The following CHCHD3 variants were observed in gnomAD, a reference collection of about 807,000 sequenced individuals.
The protein encoded by CHCHD3 is MICOS complex subunit MIC19.
A neutral mutation model predicts 38.2 loss-of-function variants in CHCHD3; 20 were observed. That is an observed-to-expected ratio of 0.52 (90% CI 0.37 to 0.76). The LOEUF is 0.76. Among genes scored for constraint, CHCHD3 ranks in the 30% least tolerant of loss-of-function variants. The pLI is 0.00. For synonymous variants in CHCHD3, 82 were observed against 100.0 expected, an observed-to-expected ratio of 0.82 and a Z score of 1.07; for missense variants, 245 against 279.2, an observed-to-expected ratio of 0.88 and a Z score of 0.87.
At chr7:133,075,008 A>C (rs1034600000) in intron 1 of CHCHD3, among the ~76,000 whole-genome samples, 25 of 152,168 alleles carry the variant, frequency 1.6e-4, no homozygotes, top group African/African-American at 5.6e-4. Flanking sequence ...AAGGTGCATG[A>C]GGACCAGGCC....
chr7:132,956,662 A>G (rs1811177429), intron 4 of CHCHD3, among the ~76,000 whole-genome samples: 1 of 152,202 alleles, frequency 6.6e-6, no homozygotes, highest in Admixed American at 6.5e-5. Context: ...AAGTAAGAAC[A>G]CACAGAGGCT....
At chr7:132,911,014 G>A (rs911577621) in intron 4 of CHCHD3, among the ~76,000 whole-genome samples, 6 of 152,160 alleles carry the variant, frequency 3.9e-5, no homozygotes, top group Non-Finnish European at 5.9e-5. Flanking sequence ...GGCATAAAAG[G>A]AGCATAATTA....
Position 132,919,100 on chromosome 7 carries a change from C to CTTTTTTTTTTTTTTTTTT in CHCHD3, c.370-33373_370-33356dup, listed in dbSNP as rs5887600. Among the ~76,000 whole-genome samples, 5 of 69,502 alleles carry CTTTTTTTTTTTTTTTTTT rather than the reference C, an allele frequency of 7.2e-5. 1 individual carries two copies. Among genetic ancestry groups the CTTTTTTTTTTTTTTTTTT allele is most frequent in the Admixed American group, 4.8e-4 (2 of 4,158 alleles). The allele number at this position is 69,502 out of a possible 152,430, so 45.6% of individuals were successfully genotyped here. Reference sequence around the variant, plus strand: ...CTAATCCTATATAGTTGGGTTTATTCTTTTTTTTTTTTTTTTTTTTTTTTT... The same window carrying CTTTTTTTTTTTTTTTTTT: ...CTAATCCTATATAGTTGGGTTTATTCTTTTTTTTTTTTTTTTTTTTTTTTTTTTTTTTTTTTTTTTTTT... On this transcript the variant is annotated intron_variant, in intron 4 of 7. Transcript: ENST00000262570.
At chr7:132,910,836 T>A (rs1361086435) in intron 4 of CHCHD3, among the ~76,000 whole-genome samples, 1 of 152,090 alleles carries the variant, frequency 6.6e-6, no homozygotes, top group Non-Finnish European at 1.5e-5. Context: ...CGAGTCTGAG[T>A]AAGGCTACAC....
chr7:132,816,214 T>G (rs1195984106), intron 6 of CHCHD3, among the ~76,000 whole-genome samples: 1 of 152,164 alleles, frequency 6.6e-6, no homozygotes, highest in African/African-American at 2.4e-5. Flanking sequence ...GATCAGATAA[T>G]GCCCCTTTCT....
At chr7:132,801,600 A>G (rs1806795806) in intron 6 of CHCHD3, among the ~76,000 whole-genome samples, 1 of 152,222 alleles carries the variant, frequency 6.6e-6, no homozygotes, top group Middle Eastern at 3.2e-3. Context: ...AGGAATGCCA[A>G]CCTGGACATC....
chr7:132,788,402 T>C lies in CHCHD3; in HGVS notation c.661-2742A>G, dbSNP rs1312089608. ...TACATAGCTGTACCCCTCTCTACAA[T>C]TTTGGGCTTAGGGTTACAAGGATAA... On this transcript the variant is annotated intron_variant, in intron 7 of 7. Coordinates refer to ENST00000262570, the MANE Select transcript of CHCHD3 (RefSeq NM_017812.4). This position sits in a 1 kb window ranked among gnomAD's most constrained non-coding sequence, Gnocchi z 4.0. Among the ~76,000 whole-genome samples the C allele has an allele frequency of 6.6e-6, 1 of 152,218 alleles. No individual in the cohort carries two copies. Among genetic ancestry groups the C allele is most frequent in the Non-Finnish European group, 1.5e-5 (1 of 68,034 alleles).
chr7:132,950,195 AAACT>A (rs1421305047), intron 4 of CHCHD3, among the ~76,000 whole-genome samples: 7 of 152,186 alleles, frequency 4.6e-5, no homozygotes, highest in South Asian at 2.1e-4. Flanking sequence ...TCATAGTGAA[AAACT>A]AACTATTGGG....
chr7:132,865,299 A>G (rs1052139890), intron 5 of CHCHD3, among the ~76,000 whole-genome samples: 4 of 152,204 alleles, frequency 2.6e-5, no homozygotes, highest in African/African-American at 9.6e-5. Context: ...TCAGATAACA[A>G]AGGCTTTTCC....
intron 2 of CHCHD3, among the ~76,000 whole-genome samples, chr7:133,041,678 A>G (rs1813838367): frequency 6.6e-6 from 1 of 152,196 alleles, no homozygotes; most frequent in South Asian, 2.1e-4. Flanking sequence ...AAAATTCACT[A>G]AGCAGAATGA....
intron 4 of CHCHD3, among the ~76,000 whole-genome samples, chr7:132,951,608 A>G (rs77391842): frequency 7.4e-4 from 112 of 152,344 alleles, no homozygotes; most frequent in African/African-American, 2.6e-3. Context: ...TTGTGTAAGT[A>G]CATTATATGA....
rs1806313295 is a variant in CHCHD3 at position 132,786,226 on chromosome 7, A to ATGGC, written c.661-570_661-567dup. Among the ~76,000 whole-genome samples, 4 of 152,188 alleles carry ATGGC rather than the reference A, an allele frequency of 2.6e-5. 1 individual carries two copies. The highest frequency in any genetic ancestry group is 1.3e-4 in the Admixed American group (2 of 15,282). ...AGGGGCATTTGGAAATGTTGGGAGC[A>ATGGC]TGGCTGATGGATGCAGTGACCGGGG... On this transcript the variant is annotated intron_variant, in intron 7 of 7. Transcript: ENST00000262570.
At chr7:132,836,930 C>T (rs985523779) in intron 6 of CHCHD3, among the ~76,000 whole-genome samples, 2 of 152,202 alleles carry the variant, frequency 1.3e-5, no homozygotes, top group African/African-American at 2.4e-5. Flanking sequence ...AACTTCACAG[C>T]CCAGCAGCTA....
chr7:132,860,302 T>G (rs10954391), intron 5 of CHCHD3, among the ~76,000 whole-genome samples: 39,125 of 116,338 alleles, frequency 0.34, 5,566 homozygotes, highest in East Asian at 0.46. Flanking sequence ...GATAGATAGA[T>G]AGAGAGAGAG....
At chr7:132,887,658 A>G (rs1052619236) in intron 4 of CHCHD3, among the ~76,000 whole-genome samples, 6 of 151,764 alleles carry the variant, frequency 4.0e-5, no homozygotes, top group Non-Finnish European at 8.9e-5. Context: ...AATAAACTAG[A>G]AATCAACACA....
chr7:132,899,017 C>T (rs1048708572), intron 4 of CHCHD3, among the ~76,000 whole-genome samples: 2 of 152,208 alleles, frequency 1.3e-5, no homozygotes. Context: ...GCTGAGGGAG[C>T]GGGCTCTGGC....
chr7:132,954,532 T>C (rs548825311), intron 4 of CHCHD3, among the ~76,000 whole-genome samples: 84 of 152,026 alleles, frequency 5.5e-4, no homozygotes, highest in African/African-American at 1.9e-3. Context: ...GGAGCAGTGG[T>C]TGAGAGGTGA....
At chr7:133,067,470 T>C (rs1814702967) in intron 2 of CHCHD3, among the ~76,000 whole-genome samples, 1 of 152,212 alleles carries the variant, frequency 6.6e-6, no homozygotes, top group South Asian at 2.1e-4. Context: ...TTTGCTCCCT[T>C]AACATTTTCC....
chr7:132,957,767 A>G (rs1218674698), intron 4 of CHCHD3, among the ~76,000 whole-genome samples: 1 of 152,196 alleles, frequency 6.6e-6, no homozygotes, highest in African/African-American at 2.4e-5. Flanking sequence ...GACGTGAGCC[A>G]CTGTGCCCAG....
Sources: gnomAD v4.1 joint callset for allele counts (sites outside exome capture counted in the v4.1 genomes callset) on GRCh38, gnomAD v4.1.1 for gene constraint, Gnocchi (gnomAD v3.1) non-coding constraint, MANE v1.5 for transcripts, NCBI Gene and HGNC (gene_info 2026-07-23, HGNC 2026-07-21) for gene names.